The following TBK1 variants were observed in gnomAD, a reference collection of about 807,000 sequenced individuals.
TBK1 encodes serine/threonine-protein kinase TBK1.
A neutral mutation model predicts 99.9 loss-of-function variants in TBK1; 37 were observed. The ratio of observed to expected loss-of-function variants is 0.37; its 90% CI spans 0.28 to 0.49. TBK1 has a LOEUF of 0.49. Ranked by LOEUF, TBK1 falls within the 20% of genes least tolerant of loss-of-function variation. The pLI is 0.98. For missense variants in TBK1, 644 were observed against 872.5 expected, an observed-to-expected ratio of 0.74 and a Z score of 3.30; for synonymous variants, 258 against 279.8, an observed-to-expected ratio of 0.92 and a Z score of 0.78.
chr12:64,472,334 G>T (rs1011200390), intron 5 of TBK1, among the ~76,000 whole-genome samples: 1 of 145,466 alleles, frequency 6.9e-6, no homozygotes, highest in East Asian at 2.0e-4. Context: ...TCATTTAGAA[G>T]CCCCTCCCAG....
At chr12:64,493,483 C>T (rs187272001) in intron 13 of TBK1, among the ~76,000 whole-genome samples, 37 of 151,962 alleles carry the variant, frequency 2.4e-4, no homozygotes, top group Admixed American at 1.4e-3. Flanking sequence ...AAAAATTAGC[C>T]GGGCGTAGTG....
intron 2 of TBK1, among the ~76,000 whole-genome samples, chr12:64,457,915 A>G (rs1256032016): frequency 6.6e-6 from 1 of 152,212 alleles, no homozygotes; most frequent in Non-Finnish European, 1.5e-5. Flanking sequence ...TAGTGTGGAA[A>G]TCTAAAATGA....
At chr12:64,485,669 T>G (rs1263343250) in intron 10 of TBK1, 156 bp downstream of exon 10, 2 of 471,460 alleles carry the variant, frequency 4.2e-6, no homozygotes, top group Non-Finnish European at 3.6e-6. Context: ...TTTGTGGTCT[T>G]TCTTTTTTAC....
intron 7 of TBK1, 71 bp downstream of exon 7, chr12:64,480,193 G>A: frequency 1.9e-6 from 2 of 1,033,470 alleles, no homozygotes; most frequent in Non-Finnish European, 2.9e-6. Context: ...TAGAACCACA[G>A]ATACTCAAAT....
chr12:64,477,605 T>G (rs1026883739), intron 6 of TBK1, among the ~76,000 whole-genome samples: 1 of 152,186 alleles, frequency 6.6e-6, no homozygotes, highest in South Asian at 2.1e-4. Flanking sequence ...TGAAGAGAGA[T>G]AATTTGACTA....
chr12:64,473,412 A>G (rs1184251072), intron 5 of TBK1, among the ~76,000 whole-genome samples: 1 of 152,216 alleles, frequency 6.6e-6, no homozygotes, highest in Non-Finnish European at 1.5e-5. Flanking sequence ...TTTGTGGTCA[A>G]TTTAGAGATC....
chr12:64,483,093 A>G (rs1464988135), intron 8 of TBK1, among the ~76,000 whole-genome samples: 1 of 152,232 alleles, frequency 6.6e-6, no homozygotes, highest in African/African-American at 2.4e-5. Context: ...AAGCTCACCC[A>G]GTGTGATTAT....
intron 6 of TBK1, among the ~76,000 whole-genome samples, chr12:64,478,175 C>T (rs1483142115): frequency 6.6e-6 from 1 of 152,054 alleles, no homozygotes; most frequent in East Asian, 1.9e-4. Context: ...TTTTTTGAGA[C>T]AGTTTCACTC....
chr12:64,493,986 TCTTA>T (rs1248127147), intron 13 of TBK1, among the ~76,000 whole-genome samples: 3 of 152,206 alleles, frequency 2.0e-5, no homozygotes, highest in African/African-American at 4.8e-5. Context: ...TTTATTACAG[TCTTA>T]CTTATTATTG....
In TBK1 at chr12:64,501,411, CG is replaced by C. The variant is rs760335307; in HGVS notation, c.*31del. 2 of 1,609,096 alleles carry C rather than the reference CG, an allele frequency of 1.2e-6. No individual in the cohort carries two copies. The highest frequency in any genetic ancestry group is 1.7e-6 in the Non-Finnish European group (2 of 1,178,144). On this transcript the variant is annotated 3_prime_UTR_variant, in exon 21 of 21. Coordinates refer to ENST00000331710, the MANE Select transcript of TBK1 (RefSeq NM_013254.4). ...CTAATAGAAGTTTAAGAAAAGTTTCCGTTTGCACAAGAAAATAACGCTTGGG... is the reference window on the plus strand; with the variant it reads ...CTAATAGAAGTTTAAGAAAAGTTTCCTTTGCACAAGAAAATAACGCTTGGG...
intron 9 of TBK1, 58 bp from the exon 10 acceptor site, chr12:64,485,397 G>C: frequency 1.2e-6 from 1 of 837,582 alleles, no homozygotes; most frequent in Non-Finnish European, 1.9e-6. Flanking sequence ...CTCTATAAAG[G>C]ATAAAGTGAT....
In TBK1 at chr12:64,497,744, A is replaced by G; in HGVS notation, c.2056A>G (p.Met686Val). ...TCCAAGTTCTAACACATTAGTAGAA[A>G]TGACTCTTGGGTAAGAAACTCATCA... ...IYPSSNTLVE[M>V]TLGMKKLKEE... The change falls in exon 19 of 21, where the codon ATG becomes GTG. Residue 686 changes from methionine to valine, a missense_variant. Met to Val is a conservative substitution (Grantham distance 21). Transcript: ENST00000331710. 5 of 1,600,690 alleles carry G rather than the reference A, an allele frequency of 3.1e-6. No homozygotes were observed. The highest frequency in any genetic ancestry group is 4.3e-6 in the Non-Finnish European group (5 of 1,173,306).
At chr12:64,490,171 C>A (rs2040855987) in intron 13 of TBK1, 52 bp downstream of exon 13, 2 of 1,320,972 alleles carry the variant, frequency 1.5e-6, no homozygotes, top group Non-Finnish European at 2.1e-6. Context: ...TATTCCTTTG[C>A]TGGCACTATT....
At chr12:64,471,327 C>T (rs1362167477) in intron 5 of TBK1, among the ~76,000 whole-genome samples, 2 of 150,736 alleles carry the variant, frequency 1.3e-5, no homozygotes, top group African/African-American at 4.9e-5. Flanking sequence ...CACCACCACA[C>T]CTGGCTAATA....
chr12:64,468,635 G>A (rs553881261), intron 5 of TBK1, among the ~76,000 whole-genome samples: 2 of 152,132 alleles, frequency 1.3e-5, no homozygotes, highest in African/African-American at 4.8e-5. Flanking sequence ...TGCTCTTATG[G>A]AGCCCACGTT....
chr12:64,497,555 G>T, intron 18 of TBK1, 93 bp from the exon 19 acceptor site: 1 of 815,336 alleles, frequency 1.2e-6, no homozygotes. Context: ...CTTATTAAAA[G>T]CTGTAACACT....
At chr12:64,476,266 T>C (rs2136071614) in intron 6 of TBK1, among the ~76,000 whole-genome samples, 1 of 147,852 alleles carries the variant, frequency 6.8e-6, no homozygotes, top group African/African-American at 2.5e-5. Flanking sequence ...CACGCTATTC[T>C]CCTGCCTCAG....
rs577083891 is a variant in TBK1, at chr12:64,456,172, A to G, written c.87+215A>G. Among the ~76,000 whole-genome samples the G allele has an allele frequency of 3.3e-5, 5 of 152,320 alleles. No homozygotes were observed. In the South Asian group the frequency reaches 1.0e-3, roughly 32 times the overall value. On this transcript the variant is annotated intron_variant, in intron 2 of 20. Coordinates refer to ENST00000331710, the MANE Select transcript of TBK1 (RefSeq NM_013254.4). ...AGGTTAAGTGTTAGTGAGTGGAGGAAAACAGATTGGTTGAAAATGGACTGG... is the reference window on the plus strand; with the variant it reads ...AGGTTAAGTGTTAGTGAGTGGAGGAGAACAGATTGGTTGAAAATGGACTGG...
intron 2 of TBK1, 121 bp from the exon 3 acceptor site, chr12:64,460,068 T>G (rs1200689795): frequency 3.5e-6 from 2 of 576,576 alleles, no homozygotes; most frequent in Non-Finnish European, 5.4e-6. Context: ...AGATTCCCTG[T>G]GCCTAAAAGA....
Sources: allele counts gnomAD v4.1 joint callset (sites outside exome capture counted in the v4.1 genomes callset), GRCh38; gene constraint gnomAD v4.1.1; transcripts MANE v1.5; gene names NCBI Gene and HGNC (gene_info 2026-07-23, HGNC 2026-07-21).